HHIPL2: variants seen among roughly 807,000 people sequenced by gnomAD.
The protein encoded by HHIPL2 is HHIP-like protein 2.
Under a neutral mutation model 61.0 loss-of-function variants are expected in HHIPL2, and 61 were observed. The observed-to-expected ratio is 1.00, with a 90% CI of 0.81 to 1.24. The LOEUF (loss-of-function observed/expected upper bound fraction) is 1.24, where lower values mean the gene tolerates loss of function less well. Among genes scored for constraint, HHIPL2 ranks in the 50% most tolerant of loss-of-function variants. The pLI is 0.00. For synonymous variants in HHIPL2, 343 were observed against 357.4 expected (o/e 0.96, Z 0.45); for missense variants, 885 against 910.2 (o/e 0.97, Z 0.36).
At chr1:222,531,469 C>G (rs902979120) in intron 6 of HHIPL2, among the ~76,000 whole-genome samples, 2 of 152,136 alleles carry the variant, frequency 1.3e-5, no homozygotes, top group Admixed American at 1.3e-4. Flanking sequence ...ATCATGGAGC[C>G]GGGCGCGGTG....
intron 7 of HHIPL2, chr1:222,525,221 T>C (rs568565679): frequency 6.6e-6 from 1 of 152,198 alleles, no homozygotes; most frequent in South Asian, 2.1e-4. Context: ...ATCAGAAAAC[T>C]GCCAAAGAAA....
chr1:222,536,289 G>T (rs1442428832), intron 5 of HHIPL2, among the ~76,000 whole-genome samples: 1 of 152,012 alleles, frequency 6.6e-6, no homozygotes, highest in African/African-American at 2.4e-5. Context: ...ACTACCAACT[G>T]TATCTAGAAT....
chr1:222,547,626 C>T, intron 1 of HHIPL2, 98 bp downstream of exon 1: 1 of 1,057,584 alleles, frequency 9.5e-7, no homozygotes, highest in Non-Finnish European at 1.4e-6. Flanking sequence ...GGCACATGAA[C>T]TTCTAAAGGG....
intron 4 of HHIPL2, 64 bp downstream of exon 4, chr1:222,539,946 C>A: frequency 7.3e-7 from 1 of 1,373,528 alleles, no homozygotes. Context: ...AGGTTTTATT[C>A]CCTACCTCCA....
chr1:222,532,442 C>T (rs1174884770), intron 5 of HHIPL2, among the ~76,000 whole-genome samples: 2 of 152,014 alleles, frequency 1.3e-5, no homozygotes, highest in African/African-American at 4.8e-5. Flanking sequence ...GTGAAACCCC[C>T]ATCTCTACTA....
At position 222,548,092 on chromosome 1, in the gene HHIPL2, C is replaced by T; in HGVS notation, c.-48G>A. The T allele has an allele frequency of 7.5e-7, 1 of 1,338,902 alleles. No individual in the cohort carries two copies. The highest frequency in any genetic ancestry group is 1.0e-6 in the Non-Finnish European group (1 of 975,938). 82.9% of individuals were successfully genotyped at this position (1,338,902 alleles called of 1,614,324 possible). A position where few individuals can be genotyped will look rare whatever the true frequency, so the allele number is the denominator to read the frequency against. On this transcript the variant is annotated 5_prime_UTR_variant, in exon 1 of 9. Coordinates refer to ENST00000343410, the MANE Select transcript of HHIPL2 (RefSeq NM_024746.4). ...CTGCTGTGTTTGCTCAGGTTGGCTT[C>T]CCTGCTCTGCCCAAGGTCCTCCCTC...
At chr1:222,526,860 A>T (rs1306412090) in intron 7 of HHIPL2, 109 bp downstream of exon 7, 1 of 803,712 alleles carries the variant, frequency 1.2e-6, no homozygotes, top group African/African-American at 1.7e-5. Flanking sequence ...ACTGCTTTTC[A>T]TCTAGAACAT....
chr1:222,530,342 A>C, intron 6 of HHIPL2, among the ~76,000 whole-genome samples: 1 of 152,138 alleles, frequency 6.6e-6, no homozygotes, highest in Non-Finnish European at 1.5e-5. Context: ...GGTGCTGGAC[A>C]CAGGGGTGTC....
Position 222,543,950 on chromosome 1 carries a change from G to T in HHIPL2, c.561C>A (p.Asn187Lys). Reference protein sequence around the residue: ...KDYCFPNVLRNDYLNRHLGMV... With the variant: ...KDYCFPNVLRKDYLNRHLGMV... ...TGCCCAGGTGGCGGTTGAGATAGTC[G>T]TTCCTCAGGACATTAGGGAAGCAAT... Residue 187 changes from asparagine (N) to lysine (K), a missense_variant, in exon 2 of 9, where the codon AAC becomes AAA. Coordinates refer to ENST00000343410, the MANE Select transcript of HHIPL2 (RefSeq NM_024746.4). 2.5e-6 allele frequency: 4 copies of T among 1,614,204 alleles called. No individual in the cohort carries two copies. Among genetic ancestry groups the T allele is most frequent in the Non-Finnish European group, 3.4e-6 (4 of 1,180,038 alleles).
Position 222,532,027 on chromosome 1 carries a change from G to A in HHIPL2, c.1662C>T (p.Ala554=). 6.2e-7 allele frequency: 1 copy of A among 1,613,728 alleles called. No individual in the cohort carries two copies. Among genetic ancestry groups the A allele is most frequent in the Non-Finnish European group, 8.5e-7 (1 of 1,179,638 alleles). Residue 554 remains alanine, a synonymous_variant, in exon 6 of 9, where the codon GCC becomes GCT. Coordinates refer to ENST00000343410, the MANE Select transcript of HHIPL2 (RefSeq NM_024746.4). The part of the protein sequence containing the change: ...DLCLGSTTSC[A]FPGLISTHSK... ...TATGGGTGCTGATCAGCCCTGGGAA[G>A]GCACAGGACGTGGTGCTGCCCAGGC...
chr1:222,522,489 C>G lies in HHIPL2; in HGVS notation c.*112G>C, dbSNP rs771260530. The G allele has an allele frequency of 2.6e-6, 3 of 1,165,494 alleles. No homozygotes were observed. Among genetic ancestry groups the G allele is most frequent in the Non-Finnish European group, 3.6e-6 (3 of 825,618 alleles). 72.2% of individuals were successfully genotyped at this position (1,165,494 alleles called of 1,614,324 possible). A position where few individuals can be genotyped will look rare whatever the true frequency, so the allele number is the denominator to read the frequency against. ...CAGGGAGAGGAAAACCGCCCTGCCC[C>G]ACCTCTACCCTGGCTTCCCAGACTT... is the stretch of plus-strand genomic sequence containing the variant. On this transcript the variant is annotated 3_prime_UTR_variant, in exon 9 of 9. Coordinates refer to ENST00000343410, the MANE Select transcript of HHIPL2 (RefSeq NM_024746.4).
chr1:222,543,937 G>C lies in HHIPL2; in HGVS notation c.574C>G (p.Arg192Gly). ...PNVLRNDYLN[R>G]HLGMVAQDPQ... ...TCTTGGGCCACCATGCCCAGGTGGC[G>C]GTTGAGATAGTCGTTCCTCAGGACA... Residue 192 changes from arginine to glycine, a missense_variant, in exon 2 of 9, where the codon CGC (arginine) becomes GGC (glycine). Transcript: ENST00000343410. 6.2e-7 allele frequency: 1 copy of C among 1,614,150 alleles called. No homozygotes were observed. Among genetic ancestry groups the C allele is most frequent in the Non-Finnish European group, 8.5e-7 (1 of 1,180,018 alleles).
intron 7 of HHIPL2, 54 bp downstream of exon 7, chr1:222,526,915 G>T: frequency 1.4e-6 from 2 of 1,425,144 alleles, no homozygotes; most frequent in East Asian, 2.3e-5. Flanking sequence ...GGCCTGCCAT[G>T]GAGATAAGAA....
At chr1:222,536,526 G>C (rs1659305647) in intron 5 of HHIPL2, among the ~76,000 whole-genome samples, 1 of 152,076 alleles carries the variant, frequency 6.6e-6, no homozygotes, top group Non-Finnish European at 1.5e-5. Flanking sequence ...GAAAACTTCA[G>C]GCCCAGATGG....
chr1:222,540,551 A>G (rs1339569888), intron 3 of HHIPL2, among the ~76,000 whole-genome samples: 3 of 152,216 alleles, frequency 2.0e-5, no homozygotes, highest in Non-Finnish European at 4.4e-5. Flanking sequence ...GATATTTAAG[A>G]CTGCCCCATG....
intron 6 of HHIPL2, among the ~76,000 whole-genome samples, chr1:222,527,583 A>G (rs1659097064): frequency 6.6e-6 from 1 of 151,486 alleles, no homozygotes; most frequent in South Asian, 2.1e-4. Context: ...GGTCTTTTCC[A>G]TGCCCCACAA....
intron 5 of HHIPL2, among the ~76,000 whole-genome samples, chr1:222,533,703 T>C (rs1015810654): frequency 2.0e-5 from 3 of 152,216 alleles, no homozygotes; most frequent in Non-Finnish European, 2.9e-5. Context: ...GTGTGTTCTC[T>C]GACAGACAGG....
At chr1:222,526,824 A>G in intron 7 of HHIPL2, 145 bp downstream of exon 7, 1 of 633,468 alleles carries the variant, frequency 1.6e-6, no homozygotes, top group Non-Finnish European at 2.8e-6. Context: ...CTATAGATGC[A>G]TTGTCCTATG....
At chr1:222,542,883 C>T (rs575727958) in intron 2 of HHIPL2, among the ~76,000 whole-genome samples, 1 of 152,246 alleles carries the variant, frequency 6.6e-6, no homozygotes, top group Admixed American at 6.5e-5. Context: ...AACAACCATC[C>T]TTTTCCAGGG....
Sources: gnomAD v4.1 joint callset for allele counts (sites outside exome capture counted in the v4.1 genomes callset) on GRCh38, gnomAD v4.1.1 for gene constraint, MANE v1.5 for transcripts, NCBI Gene and HGNC (gene_info 2026-07-23, HGNC 2026-07-21) for gene names.